The following GPSM3 variants were observed in gnomAD, a reference collection of about 807,000 sequenced individuals.
GPSM3 encodes G protein signaling modulator 3, also known as G protein-signaling modulator 3.
In GPSM3, 16 loss-of-function variants were observed where a neutral mutation model predicts 20.4. The observed-to-expected ratio is 0.78, with a 90% CI of 0.53 to 1.19. The LOEUF (loss-of-function observed/expected upper bound fraction) is 1.19. Among genes scored for constraint, GPSM3 ranks in the 50% most tolerant of loss-of-function variants. The pLI, the probability that GPSM3 is intolerant of heterozygous loss-of-function variation, is 0.00. For synonymous variants in GPSM3, 70 were observed against 79.6 expected (o/e 0.88, Z 0.64); for missense variants, 177 against 204.6 (o/e 0.86, Z 0.82).
chr6:32,193,440 C>T (rs189638770), upstream of GPSM3, among the ~76,000 whole-genome samples: 332 of 152,248 alleles, frequency 2.2e-3, 1 homozygote, highest in African/African-American at 7.3e-3. This position sits in a 1 kb window ranked among gnomAD's most constrained non-coding sequence, Gnocchi z 4.7. Flanking sequence ...GCGGAGGTTG[C>T]GGTGAACTGA....
chr6:32,192,446 C>T lies in GPSM3; in HGVS notation c.42+26G>A. The T allele has an allele frequency of 6.3e-7, 1 of 1,578,998 alleles. No individual in the cohort carries two copies. Among genetic ancestry groups the T allele is most frequent in the Non-Finnish European group, 8.6e-7 (1 of 1,160,760 alleles). ...CACCTCCCTTCTTTCCCAGTGTCAG[C>T]CTCCCCAACCCCGTGCCCAGCTCAC... On this transcript the variant is annotated intron_variant, in intron 1 of 3. Transcript: ENST00000375040. This position sits in a 1 kb window ranked among gnomAD's most constrained non-coding sequence, Gnocchi z 5.1.
Position 32,191,908 on chromosome 6 carries a change from G to T in GPSM3, c.146C>A (p.Ala49Asp). Residue 49 changes from alanine (A) to aspartate (D), a missense_variant and splice_region_variant, in exon 3 of 4, where the codon GCC becomes GAC. Physicochemically the swap from Ala to Asp is moderately radical, Grantham distance 126. Transcript: ENST00000375040. This position sits in a 1 kb window ranked among gnomAD's most constrained non-coding sequence, Gnocchi z 5.9. ...SPPPPGTRHT[A>D]LGPRSASLLS... The stretch of plus-strand genomic sequence containing the variant: ...CAGGGAGGCCGAGCGGGGTCCCAGG[G>T]CTGGGGAGAGGGGTGTGGAGGGCTC... 1 of 1,610,946 alleles carries T rather than the reference G, an allele frequency of 6.2e-7. No homozygotes were observed. The highest frequency in any genetic ancestry group is 8.5e-7 in the Non-Finnish European group (1 of 1,179,562).
At position 32,192,075 on chromosome 6, in the gene GPSM3, T is replaced by C; in HGVS notation, c.145+73A>G. ...GAGGAGGTGGGGAGAGGGCCCACAATGGAGTGGGCCTTGGTAATGGGGTCA... is the reference window on the plus strand; with the variant it reads ...GAGGAGGTGGGGAGAGGGCCCACAACGGAGTGGGCCTTGGTAATGGGGTCA... On this transcript the variant is annotated intron_variant, in intron 2 of 3. Coordinates refer to ENST00000375040, the MANE Select transcript of GPSM3 (RefSeq NM_001276501.2). This position sits in a 1 kb window ranked among gnomAD's most constrained non-coding sequence, Gnocchi z 5.1. 7.6e-7 allele frequency: 1 copy of C among 1,307,838 alleles called. No homozygotes were observed. The highest frequency in any genetic ancestry group is 1.1e-6 in the Non-Finnish European group (1 of 940,710). 81.0% of individuals were successfully genotyped at this position (1,307,838 alleles called of 1,614,324 possible).
rs141537386 is a variant in GPSM3 at position 32,191,897 on chromosome 6, G to A, written c.157C>T (p.Arg53Cys). Reference protein sequence around the residue: ...PGTRHTALGPRSASLLSLQTE... With the variant: ...PGTRHTALGPCSASLLSLQTE... ...TGCAGGGAGAGCAGGGAGGCCGAGCGGGGTCCCAGGGCTGGGGAGAGGGGT... is the reference window on the plus strand; with the variant it reads ...TGCAGGGAGAGCAGGGAGGCCGAGCAGGGTCCCAGGGCTGGGGAGAGGGGT... The change falls in exon 3 of 4, where the codon CGC becomes TGC. Residue 53 changes from arginine (R) to cysteine (C), a missense_variant. By Grantham distance (180) the Arg-to-Cys change is radical. Coordinates refer to ENST00000375040, the MANE Select transcript of GPSM3 (RefSeq NM_001276501.2). The surrounding 1 kb of genome is among the most constrained non-coding windows in gnomAD (Gnocchi z 5.9). 1,318 of 1,611,138 alleles carry A rather than the reference G, an allele frequency of 8.2e-4. 2 individuals carry two copies. The highest frequency in any genetic ancestry group is 2.3e-3 in the South Asian group (207 of 90,984).
In GPSM3 at chr6:32,191,751, G is replaced by A. The variant is rs1439175689; in HGVS notation, c.303C>T (p.Leu101=). Residue 101 remains leucine, a synonymous_variant, in exon 3 of 4, where the codon CTC becomes CTT. Coordinates refer to ENST00000375040, the MANE Select transcript of GPSM3 (RefSeq NM_001276501.2). The surrounding 1 kb of genome is among the most constrained non-coding windows in gnomAD (Gnocchi z 5.9). ...SSLAPAPLRP[L]EDREQLYSTI... Reference sequence around the variant, plus strand: ...TGCTGTAAAGCTGTTCTCTGTCCTCGAGAGGACGGAGTGGGGCAGGGGCTA... The same window carrying A: ...TGCTGTAAAGCTGTTCTCTGTCCTCAAGAGGACGGAGTGGGGCAGGGGCTA... The A allele has an allele frequency of 1.9e-6, 3 of 1,612,522 alleles. No homozygotes were observed. Among genetic ancestry groups the A allele is most frequent in the Non-Finnish European group, 2.5e-6 (3 of 1,179,786 alleles).
At chr6:32,195,098 T>C, upstream of GPSM3, 2 of 319,382 alleles carry the variant, frequency 6.3e-6, no homozygotes, top group Non-Finnish European at 1.2e-5. The surrounding 1 kb of genome is among the most constrained non-coding windows in gnomAD (Gnocchi z 5.4). Flanking sequence ...GGGCACCCTT[T>C]GGAAACCATA....
At chr6:32,192,797 G>A (rs555720273), upstream of GPSM3, 2 of 382,024 alleles carry the variant, frequency 5.2e-6, no homozygotes, top group South Asian at 8.9e-5. This position sits in a 1 kb window ranked among gnomAD's most constrained non-coding sequence, Gnocchi z 5.1. Flanking sequence ...TGCAGGAGTG[G>A]AGGGGGCTCA....
At chr6:32,193,613 G>A (rs2127455948), upstream of GPSM3, among the ~76,000 whole-genome samples, 1 of 152,234 alleles carries the variant, frequency 6.6e-6, no homozygotes, top group South Asian at 2.1e-4. This position sits in a 1 kb window ranked among gnomAD's most constrained non-coding sequence, Gnocchi z 4.7. Flanking sequence ...CAAGGGGCAG[G>A]GGAAATTTTA....
rs1383278015 is a variant in GPSM3 at position 32,192,475 on chromosome 6, C to G, written c.39G>C (p.Glu13Asp). 1.3e-6 allele frequency: 2 copies of G among 1,591,054 alleles called. No individual in the cohort carries two copies. Among genetic ancestry groups the G allele is most frequent in the African/African-American group, 1.3e-5 (1 of 74,580 alleles). ...AERPQEEEDG[E>D]QGPPQDEEGW... is the part of the protein sequence containing the mutation. ...CCCAACCCCGTGCCCAGCTCACCTGCTCACCATCCTCTTCTTCCTGGGGTC... is the reference window on the plus strand; with the variant it reads ...CCCAACCCCGTGCCCAGCTCACCTGGTCACCATCCTCTTCTTCCTGGGGTC... The change falls in exon 1 of 4, where the codon GAG becomes GAC. Residue 13 changes from glutamate to aspartate, a missense_variant. Physicochemically the swap from Glu to Asp is conservative, Grantham distance 45 (BLOSUM62 2). Transcript: ENST00000375040. This position sits in a 1 kb window ranked among gnomAD's most constrained non-coding sequence, Gnocchi z 5.1.
At chr6:32,195,017 G>A (rs1211470647), upstream of GPSM3, 8 of 253,566 alleles carry the variant, frequency 3.2e-5, no homozygotes, top group Non-Finnish European at 6.1e-5. This position sits in a 1 kb window ranked among gnomAD's most constrained non-coding sequence, Gnocchi z 5.4. Context: ...CCTACACAGT[G>A]CCTGGCACAT....
Position 32,191,797 on chromosome 6 carries a change from G to T in GPSM3, c.257C>A (p.Thr86Asn). 1 of 1,612,394 alleles carries T rather than the reference G, an allele frequency of 6.2e-7. No homozygotes were observed. The highest frequency in any genetic ancestry group is 8.5e-7 in the Non-Finnish European group (1 of 1,179,568). The change falls in exon 3 of 4, where the codon ACC becomes AAC. Residue 86 changes from threonine to asparagine, a missense_variant. By Grantham distance (65) the Thr-to-Asn change is moderately conservative (BLOSUM62 0). Coordinates refer to ENST00000375040, the MANE Select transcript of GPSM3 (RefSeq NM_001276501.2). The surrounding 1 kb of genome is among the most constrained non-coding windows in gnomAD (Gnocchi z 5.9). ...GGCTAGGCTTGAGGGGTTTTGGGGG[G>T]TGTAGAAGGTGGCCCTCTGCTCCTC... ...RLEEQRATFY[T>N]PQNPSSLAPA... is the part of the protein sequence containing the mutation.
chr6:32,191,352 T>G lies in GPSM3; in HGVS notation c.*14A>C. On this transcript the variant is annotated 3_prime_UTR_variant, in exon 4 of 4. Transcript: ENST00000375040. The surrounding 1 kb of genome is among the most constrained non-coding windows in gnomAD (Gnocchi z 5.9). The stretch of plus-strand genomic sequence containing the variant: ...GAGACCAGTGGCAAGGAAGGGCTGG[T>G]TGGGGCTCAAGTCTCAGCAGGTGTG... 1.9e-6 allele frequency: 3 copies of G among 1,571,908 alleles called. No homozygotes were observed. The highest frequency in any genetic ancestry group is 2.6e-6 in the Non-Finnish European group (3 of 1,165,272).
In GPSM3 at chr6:32,191,077, A is replaced by G; in HGVS notation, c.*289T>C. Reference sequence around the variant, plus strand: ...GTGGTGTCCCCACAAGTTAGGGAAAAGACTCCCAGCCACTCCTTGAGATGG... The same window carrying G: ...GTGGTGTCCCCACAAGTTAGGGAAAGGACTCCCAGCCACTCCTTGAGATGG... On this transcript the variant is annotated 3_prime_UTR_variant, in exon 4 of 4. Coordinates refer to ENST00000375040, the MANE Select transcript of GPSM3 (RefSeq NM_001276501.2). The surrounding 1 kb of genome is among the most constrained non-coding windows in gnomAD (Gnocchi z 5.9). 2.6e-6 allele frequency: 1 copy of G among 378,906 alleles called. No homozygotes were observed. Among genetic ancestry groups the G allele is most frequent in the Admixed American group, 4.8e-5 (1 of 20,778 alleles). 23.5% of individuals were successfully genotyped at this position (378,906 alleles called of 1,614,324 possible).
rs1787532259 is a variant in GPSM3 at position 32,191,753 on chromosome 6, G to T, written c.301C>A (p.Leu101Ile). The change falls in exon 3 of 4, where the codon CTC (leucine) becomes ATC (isoleucine). Residue 101 changes from leucine (L) to isoleucine (I), a missense_variant. By Grantham distance (5) the Leu-to-Ile change is conservative. Transcript: ENST00000375040. The surrounding 1 kb of genome is among the most constrained non-coding windows in gnomAD (Gnocchi z 5.9). The stretch of plus-strand genomic sequence containing the variant: ...CTGTAAAGCTGTTCTCTGTCCTCGA[G>T]AGGACGGAGTGGGGCAGGGGCTAGG... ...SSLAPAPLRP[L>I]EDREQLYSTI... 6.2e-7 allele frequency: 1 copy of T among 1,612,786 alleles called. No individual in the cohort carries two copies. Among genetic ancestry groups the T allele is most frequent in the African/African-American group, 1.3e-5 (1 of 75,018 alleles).
Position 32,192,187 on chromosome 6 carries a change from C to G in GPSM3, c.106G>C (p.Ala36Pro). 2 of 1,509,998 alleles carry G rather than the reference C, an allele frequency of 1.3e-6. No individual in the cohort carries two copies. Among genetic ancestry groups the G allele is most frequent in the Non-Finnish European group, 1.8e-6 (2 of 1,129,530 alleles). The allele number at this position is 1,509,998 out of a possible 1,614,324, so 93.5% of individuals were successfully genotyped here. ...PNSTTRPWRSAPPSPPPPGTR... is the reference protein window; with the variant it reads ...PNSTTRPWRSPPPSPPPPGTR... ...CCTGGAGGAGGAGGGGATGGAGGAG[C>G]AGATCGCCAAGGCCGAGTGGTGGAG... is the stretch of plus-strand genomic sequence containing the variant. Residue 36 changes from alanine to proline, a missense_variant, in exon 2 of 4, where the codon GCT (alanine) becomes CCT (proline). Ala to Pro is a conservative substitution (Grantham distance 27). Coordinates refer to ENST00000375040, the MANE Select transcript of GPSM3 (RefSeq NM_001276501.2). The surrounding 1 kb of genome is among the most constrained non-coding windows in gnomAD (Gnocchi z 5.1).
Position 32,192,447 on chromosome 6 carries a change from C to T in GPSM3, c.42+25G>A. The stretch of plus-strand genomic sequence containing the variant: ...ACCTCCCTTCTTTCCCAGTGTCAGC[C>T]TCCCCAACCCCGTGCCCAGCTCACC... On this transcript the variant is annotated intron_variant, in intron 1 of 3. Coordinates refer to ENST00000375040, the MANE Select transcript of GPSM3 (RefSeq NM_001276501.2). The surrounding 1 kb of genome is among the most constrained non-coding windows in gnomAD (Gnocchi z 5.1). 6.3e-7 allele frequency: 1 copy of T among 1,580,008 alleles called. No individual in the cohort carries two copies. The highest frequency in any genetic ancestry group is 8.6e-7 in the Non-Finnish European group (1 of 1,161,392).
In GPSM3 at chr6:32,191,342, G is replaced by A. The variant is rs1393244025; in HGVS notation, c.*24C>T. On this transcript the variant is annotated 3_prime_UTR_variant, in exon 4 of 4. Transcript: ENST00000375040. The surrounding 1 kb of genome is among the most constrained non-coding windows in gnomAD (Gnocchi z 5.9). Reference sequence around the variant, plus strand: ...GCCCAGCTTTGAGACCAGTGGCAAGGAAGGGCTGGTTGGGGCTCAAGTCTC... The same window carrying A: ...GCCCAGCTTTGAGACCAGTGGCAAGAAAGGGCTGGTTGGGGCTCAAGTCTC... 5 of 1,572,312 alleles carry A rather than the reference G, an allele frequency of 3.2e-6. No homozygotes were observed. The highest frequency in any genetic ancestry group is 4.7e-5 in the East Asian group (2 of 42,458).
In GPSM3 at chr6:32,191,794, G is replaced by C. The variant is rs752111356; in HGVS notation, c.260C>G (p.Pro87Arg). Residue 87 changes from proline (P) to arginine (R), a missense_variant, in exon 3 of 4, where the codon CCC becomes CGC. Coordinates refer to ENST00000375040, the MANE Select transcript of GPSM3 (RefSeq NM_001276501.2). This position sits in a 1 kb window ranked among gnomAD's most constrained non-coding sequence, Gnocchi z 5.9. ...LEEQRATFYT[P>R]QNPSSLAPAP... ...AGGGGCTAGGCTTGAGGGGTTTTGGGGGGTGTAGAAGGTGGCCCTCTGCTC... is the reference window on the plus strand; with the variant it reads ...AGGGGCTAGGCTTGAGGGGTTTTGGCGGGTGTAGAAGGTGGCCCTCTGCTC... The C allele has an allele frequency of 3.1e-6, 5 of 1,612,444 alleles. No homozygotes were observed. In the Admixed American group the frequency reaches 6.7e-5, roughly 22 times the overall value.
chr6:32,194,605 C>G (rs1787737629), upstream of GPSM3: 2 of 171,354 alleles, frequency 1.2e-5, no homozygotes, highest in Non-Finnish European at 2.5e-5. The surrounding 1 kb of genome is among the most constrained non-coding windows in gnomAD (Gnocchi z 4.5). Context: ...AGTCTGTGGC[C>G]CAAGGGTTGG....
Sources: gnomAD v4.1 joint callset for allele counts (sites outside exome capture counted in the v4.1 genomes callset) on GRCh38, gnomAD v4.1.1 for gene constraint, Gnocchi (gnomAD v3.1) non-coding constraint, MANE v1.5 for transcripts, NCBI Gene and HGNC (gene_info 2026-07-23, HGNC 2026-07-21) for gene names.